The following STYXL1 variants were observed in gnomAD, a reference collection of about 807,000 sequenced individuals.
STYXL1 encodes the protein serine/threonine/tyrosine interacting like 1.
In STYXL1, 32 loss-of-function variants were observed where a neutral mutation model predicts 36.4. That is an observed-to-expected ratio of 0.88 (90% confidence interval 0.66 to 1.18). STYXL1 has a LOEUF of 1.18. STYXL1 is among the 50% of genes most tolerant of loss of function. The pLI is 0.00. For missense variants in STYXL1, 354 were observed against 394.1 expected (o/e 0.90, Z 0.86); for synonymous variants, 133 against 144.1 (o/e 0.92, Z 0.55).
rs868929042 is a variant in STYXL1 at position 76,005,258 on chromosome 7, C to A, written c.599+1G>T. 6.9e-7 allele frequency: 1 copy of A among 1,449,980 alleles called. No homozygotes were observed. Among genetic ancestry groups the A allele is most frequent in the African/African-American group, 1.4e-5 (1 of 71,850 alleles). 89.8% of individuals were successfully genotyped at this position (1,449,980 alleles called of 1,614,324 possible). On this transcript the variant is annotated splice_donor_variant, in intron 6 of 8. Coordinates refer to ENST00000359697, the MANE Select transcript of STYXL1 (RefSeq NM_001317785.2). LOFTEE classifies it high-confidence loss of function. Reference sequence around the variant, plus strand: ...TAAATCAGTAGTTTCTCTTTACTTACAAGGGCCCTGTATCCATGGAGACAT... The same window carrying A: ...TAAATCAGTAGTTTCTCTTTACTTAAAAGGGCCCTGTATCCATGGAGACAT...
In STYXL1 at chr7:76,038,422, ATT is replaced by A. The variant is rs1554581241; in HGVS notation, c.-4-7897_-4-7896del. The stretch of plus-strand genomic sequence containing the variant: ...GCTTTATGTTTGGGAATTGAATGAC[ATT>A]TTTTTTTTTTTTTTTCCTGAGACGG... On this transcript the variant is annotated intron_variant, in intron 1 of 8. Transcript: ENST00000359697. 5.3e-5 allele frequency among the ~76,000 whole-genome samples: 7 copies of A among 132,224 alleles called. 1 individual carries two copies. Among genetic ancestry groups the A allele is most frequent in the Non-Finnish European group, 9.8e-5 (6 of 61,332 alleles). 86.7% of individuals were successfully genotyped at this position (132,224 alleles called of 152,430 possible). A position where few individuals can be genotyped will look rare whatever the true frequency, so the allele number is the denominator to read the frequency against.
Position 75,996,500 on chromosome 7 carries a change from A to G in STYXL1, c.910T>C (p.Ser304Pro). Residue 304 changes from serine (S) to proline (P), a missense_variant, in exon 9 of 9, where the codon TCC (serine) becomes CCC (proline). Ser to Pro is a moderately conservative substitution (Grantham distance 74). Transcript: ENST00000359697. ...AGCGGATCCATGATGTTTGTGATGG[A>G]ATCTCCAAGGATAGTCTTCTCCCAT... The part of the protein sequence containing the change: ...LEWEKTILGD[S>P]ITNIMDPLY 3 of 1,614,210 alleles carry G rather than the reference A, an allele frequency of 1.9e-6. No individual in the cohort carries two copies. The highest frequency in any genetic ancestry group is 2.5e-6 in the Non-Finnish European group (3 of 1,180,042).
intron 5 of STYXL1, 42 bp downstream of exon 5, chr7:76,013,700 C>G: frequency 6.2e-7 from 1 of 1,613,020 alleles, no homozygotes; most frequent in South Asian, 1.1e-5. Context: ...CTAGGCCCAT[C>G]CTTCCCGTCT....
intron 1 of STYXL1, among the ~76,000 whole-genome samples, chr7:76,031,391 T>C (rs1162879161): frequency 1.0e-5 from 1 of 97,370 alleles, no homozygotes. Flanking sequence ...AAGATGAGAG[T>C]AACCAAGGAA....
intron 2 of STYXL1, among the ~76,000 whole-genome samples, chr7:76,029,096 G>C (rs1191170041): frequency 6.6e-6 from 1 of 152,110 alleles, no homozygotes; most frequent in Non-Finnish European, 1.5e-5. Context: ...TCCAGCCTGG[G>C]CAACAGAACA....
rs1563458766 is a variant in STYXL1, at chr7:76,000,902, CTCG to C, written c.795_797del (p.Asn265_Glu266delinsLys). On this transcript the variant is annotated inframe_deletion, in exon 8 of 9. Coordinates refer to ENST00000359697, the MANE Select transcript of STYXL1 (RefSeq NM_001317785.2). ...GGGGAACGCATACCTGCAAGGTCTG[CTCG>C]TTACTATGCATGAGGTAGGCTATGA... The C allele has an allele frequency of 6.2e-7, 1 of 1,613,996 alleles. No homozygotes were observed. The highest frequency in any genetic ancestry group is 8.5e-7 in the Non-Finnish European group (1 of 1,179,960).
In STYXL1 at chr7:76,029,967, A is replaced by AACAAC. The variant is rs1795141485; in HGVS notation, c.103+453_103+454insGTTGT. ...GGTTCCTAACAGACCACAGACTGGT[A>AACAAC]CTGGGGGTTGGGGGTTGCGGACTTC... On this transcript the variant is annotated intron_variant, in intron 2 of 8. Transcript: ENST00000359697. Among the ~76,000 whole-genome samples, 8 of 151,918 alleles carry AACAAC rather than the reference A, an allele frequency of 5.3e-5. No homozygotes were observed. In the South Asian group the frequency reaches 1.7e-3, roughly 32 times the overall value.
At position 76,005,389 on chromosome 7, in the gene STYXL1, G is replaced by C. The variant is rs372639771; in HGVS notation, c.469C>G (p.Gln157Glu). The C allele has an allele frequency of 1.9e-6, 3 of 1,612,428 alleles. No homozygotes were observed. The highest frequency in any genetic ancestry group is 2.5e-6 in the Non-Finnish European group (3 of 1,178,862). ...IWMPQELDAF[Q>E]PYPIEIVPGK... ...GGCACGATTTCAATGGGGTATGGCTGAAATGCATCCAGTTCCTGAAGTGTG... is the reference window on the plus strand; with the variant it reads ...GGCACGATTTCAATGGGGTATGGCTCAAATGCATCCAGTTCCTGAAGTGTG... Residue 157 changes from glutamine to glutamate, a missense_variant, in exon 6 of 9, where the codon CAG becomes GAG. Transcript: ENST00000359697.
intron 3 of STYXL1, among the ~76,000 whole-genome samples, chr7:76,026,266 T>TG (rs1372793618): frequency 9.4e-6 from 1 of 106,392 alleles, no homozygotes; most frequent in Non-Finnish European, 1.9e-5. Context: ...ACAGCGGGAA[T>TG]GGGGAGGAAA....
At chr7:76,013,964 T>C in intron 4 of STYXL1, 77 bp from the exon 5 acceptor site, 1 of 1,404,290 alleles carries the variant, frequency 7.1e-7, no homozygotes, top group Non-Finnish European at 9.6e-7. Context: ...ATGACCACTT[T>C]CTTCTGAAAT....
At chr7:76,038,949 AT>A (rs35639363) in intron 1 of STYXL1, among the ~76,000 whole-genome samples, 4 of 127,778 alleles carry the variant, frequency 3.1e-5, no homozygotes, top group Admixed American at 8.0e-5. Flanking sequence ...ATCATGCCTA[AT>A]TTTTTTTTTT....
chr7:76,021,271 C>T (rs1794030038), intron 4 of STYXL1, among the ~76,000 whole-genome samples: 3 of 151,902 alleles, frequency 2.0e-5, no homozygotes, highest in East Asian at 1.9e-4. Flanking sequence ...TTAGTAGAGA[C>T]GGAGTTTCAC....
At chr7:76,023,917 G>A (rs1554576971) in intron 3 of STYXL1, among the ~76,000 whole-genome samples, 1 of 152,140 alleles carries the variant, frequency 6.6e-6, no homozygotes, top group Non-Finnish European at 1.5e-5. Flanking sequence ...AGAGGCTGAG[G>A]CAGGAGAATG....
intron 3 of STYXL1, among the ~76,000 whole-genome samples, chr7:76,024,021 G>A (rs1794382508): frequency 6.6e-6 from 1 of 151,894 alleles, no homozygotes; most frequent in South Asian, 2.1e-4. Context: ...AAAACAACAA[G>A]AACACCACCA....
intron 1 of STYXL1, among the ~76,000 whole-genome samples, chr7:76,032,861 A>T (rs896160464): frequency 2.6e-5 from 4 of 152,122 alleles, no homozygotes; most frequent in Non-Finnish European, 5.9e-5. Context: ...AGGGGGAGAG[A>T]GGACGAAACA....
At chr7:76,004,703 C>T (rs1391288263) in intron 6 of STYXL1, among the ~76,000 whole-genome samples, 3 of 148,612 alleles carry the variant, frequency 2.0e-5, no homozygotes, top group African/African-American at 7.5e-5. Flanking sequence ...GACCCCATCT[C>T]AAAAAATAAT....
At chr7:75,999,320 A>T (rs948577545) in intron 8 of STYXL1, among the ~76,000 whole-genome samples, 3 of 152,210 alleles carry the variant, frequency 2.0e-5, no homozygotes, top group South Asian at 2.1e-4. Flanking sequence ...ATTCACAGAG[A>T]CAAAAAGTAG....
chr7:76,000,287 G>A (rs918295514), intron 8 of STYXL1, among the ~76,000 whole-genome samples: 3 of 151,456 alleles, frequency 2.0e-5, no homozygotes, highest in Admixed American at 2.0e-4. Flanking sequence ...GCACATGGGG[G>A]CAACAACCGA....
chr7:76,012,606 G>A (rs1269762530), intron 5 of STYXL1, among the ~76,000 whole-genome samples: 3 of 152,156 alleles, frequency 2.0e-5, no homozygotes, highest in African/African-American at 7.2e-5. Flanking sequence ...TGTTGCTTAG[G>A]CTGGGCTCAA....
Sources: gnomAD v4.1 joint callset for allele counts (sites outside exome capture counted in the v4.1 genomes callset) on GRCh38, gnomAD v4.1.1 for gene constraint, MANE v1.5 for transcripts, NCBI Gene and HGNC (gene_info 2026-07-23, HGNC 2026-07-21) for gene names.